The following GOLIM4 variants were observed in gnomAD, a reference collection of about 807,000 sequenced individuals.
The protein encoded by GOLIM4 is golgi integral membrane protein 4.
GOLIM4 carries 71 observed loss-of-function variants against 107.4 expected under a neutral mutation model. The observed-to-expected ratio is 0.66, with a 90% CI of 0.55 to 0.81. GOLIM4 has a LOEUF of 0.81. Ranked by LOEUF, GOLIM4 falls within the 30% of genes least tolerant of loss-of-function variation. GOLIM4 has a pLI of 0.00. For synonymous variants in GOLIM4, 327 were observed against 294.8 expected (o/e 1.11, Z -1.12); for missense variants, 830 against 826.1 (o/e 1.00, Z -0.06).
intron 1 of GOLIM4, among the ~76,000 whole-genome samples, chr3:168,089,710 C>T (rs1457130864): frequency 6.6e-6 from 1 of 151,752 alleles, no homozygotes; most frequent in Non-Finnish European, 1.5e-5. Context: ...CTACCAGGCA[C>T]CAGACGCTGG....
chr3:168,011,395 G>A (rs951952829), intron 14 of GOLIM4, among the ~76,000 whole-genome samples: 7 of 152,186 alleles, frequency 4.6e-5, no homozygotes, highest in Admixed American at 2.6e-4. Context: ...AGGGTCCTAC[G>A]CCCACAGAAT....
intron 1 of GOLIM4, among the ~76,000 whole-genome samples, chr3:168,061,935 T>C (rs761862394): frequency 3.3e-5 from 5 of 152,196 alleles, no homozygotes; most frequent in Non-Finnish European, 5.9e-5. Context: ...TGAAAATTCA[T>C]TGAGCTGTTT....
intron 1 of GOLIM4, among the ~76,000 whole-genome samples, chr3:168,093,846 G>A (rs974063245): frequency 6.6e-6 from 1 of 152,054 alleles, no homozygotes; most frequent in African/African-American, 2.4e-5. Context: ...CCAAACAATC[G>A]GATGTGTATC....
intron 1 of GOLIM4, among the ~76,000 whole-genome samples, chr3:168,056,658 T>C (rs866964898): frequency 2.0e-5 from 3 of 152,186 alleles, no homozygotes; most frequent in Non-Finnish European, 2.9e-5. Context: ...TCAAAGGAGA[T>C]AGTTCCAGAG....
At chr3:168,022,230 A>G (rs1040087663) in intron 14 of GOLIM4, among the ~76,000 whole-genome samples, 1 of 152,058 alleles carries the variant, frequency 6.6e-6, no homozygotes, top group Non-Finnish European at 1.5e-5. Flanking sequence ...GCTGACAGAA[A>G]TAAGTTTGTG....
intron 1 of GOLIM4, among the ~76,000 whole-genome samples, chr3:168,069,092 C>T (rs1445136405): frequency 2.0e-5 from 3 of 152,140 alleles, no homozygotes; most frequent in African/African-American, 7.2e-5. Flanking sequence ...CTCGGCCTCT[C>T]AAACTGCTGG....
intron 3 of GOLIM4, among the ~76,000 whole-genome samples, chr3:168,045,248 G>A (rs924953793): frequency 2.6e-5 from 4 of 152,156 alleles, no homozygotes; most frequent in Non-Finnish European, 5.9e-5. Flanking sequence ...CTGGGTGCTT[G>A]AGGTAAGAGG....
chr3:168,047,216 C>T (rs1719354048), intron 2 of GOLIM4, among the ~76,000 whole-genome samples: 1 of 152,192 alleles, frequency 6.6e-6, no homozygotes, highest in Non-Finnish European at 1.5e-5. Flanking sequence ...GTAAATCTTG[C>T]ATCCACAAAA....
At chr3:168,056,825 C>T (rs1165202468) in intron 1 of GOLIM4, among the ~76,000 whole-genome samples, 2 of 152,172 alleles carry the variant, frequency 1.3e-5, no homozygotes, top group Non-Finnish European at 2.9e-5. Flanking sequence ...GATTTTACAA[C>T]TTCATAAACA....
intron 1 of GOLIM4, among the ~76,000 whole-genome samples, chr3:168,076,962 G>C (rs549803887): frequency 6.6e-6 from 1 of 152,066 alleles, no homozygotes; most frequent in Non-Finnish European, 1.5e-5. Context: ...CTGAATTAAA[G>C]GACAGATTTA....
chr3:168,053,731 C>A (rs1719780493), intron 1 of GOLIM4, among the ~76,000 whole-genome samples: 1 of 152,166 alleles, frequency 6.6e-6, no homozygotes, highest in South Asian at 2.1e-4. Flanking sequence ...TGGAAGCCAG[C>A]CACCTGCCCA....
At chr3:168,056,157 T>A (rs1228558572) in intron 1 of GOLIM4, among the ~76,000 whole-genome samples, 1 of 152,182 alleles carries the variant, frequency 6.6e-6, no homozygotes, top group Non-Finnish European at 1.5e-5. Flanking sequence ...TCCCAGATGC[T>A]CCAGCCATGG....
chr3:168,033,436 T>C (rs1012338877), intron 8 of GOLIM4, among the ~76,000 whole-genome samples: 3 of 96,616 alleles, frequency 3.1e-5, no homozygotes, highest in Non-Finnish European at 6.4e-5. Context: ...AAACCCCGTC[T>C]CTACTAAAAA....
At chr3:168,078,969 T>C (rs895215515) in intron 1 of GOLIM4, among the ~76,000 whole-genome samples, 39 of 152,172 alleles carry the variant, frequency 2.6e-4, no homozygotes, top group Admixed American at 2.3e-3. Flanking sequence ...ATTTTAAAAT[T>C]TGTACTAACA....
At chr3:168,027,204 G>C (rs1718041505) in intron 12 of GOLIM4, among the ~76,000 whole-genome samples, 1 of 152,098 alleles carries the variant, frequency 6.6e-6, no homozygotes, top group African/African-American at 2.4e-5. Context: ...TTGCATACCT[G>C]AACAACTCTT....
intron 1 of GOLIM4, among the ~76,000 whole-genome samples, chr3:168,070,922 T>A (rs1242942990): frequency 6.6e-6 from 1 of 152,212 alleles, no homozygotes; most frequent in Non-Finnish European, 1.5e-5. Context: ...GGTTTTCTAC[T>A]CTAACTTGCT....
At chr3:168,088,113 A>T (rs182846671) in intron 1 of GOLIM4, among the ~76,000 whole-genome samples, 12 of 152,356 alleles carry the variant, frequency 7.9e-5, no homozygotes, top group African/African-American at 2.6e-4. Flanking sequence ...TGATAAAAGA[A>T]GAACCATTGG....
Position 168,072,044 on chromosome 3 carries a change from C to T in GOLIM4, c.187+23055G>A, listed in dbSNP as rs183398007. ...ATGGCCAGTCTTGGACTCTGGATTT[C>T]CCATAGGGCCAAATTCTGGTACCAC... On this transcript the variant is annotated intron_variant, in intron 1 of 15. Coordinates refer to ENST00000470487, the MANE Select transcript of GOLIM4 (RefSeq NM_014498.5). Among the ~76,000 whole-genome samples, 737 of 152,218 alleles carry T rather than the reference C, an allele frequency of 4.8e-3. 5 individuals carry two copies. Among genetic ancestry groups the T allele is most frequent in the Middle Eastern group, 0.014 (4 of 294 alleles).
chr3:168,084,436 T>C (rs568889476), intron 1 of GOLIM4, among the ~76,000 whole-genome samples: 1 of 152,288 alleles, frequency 6.6e-6, no homozygotes, highest in African/African-American at 2.4e-5. Flanking sequence ...CAGATGAGTG[T>C]GATTGGAAAT....
Sources: allele counts gnomAD v4.1 joint callset (sites outside exome capture counted in the v4.1 genomes callset), GRCh38; gene constraint gnomAD v4.1.1; transcripts MANE v1.5; gene names NCBI Gene and HGNC (gene_info 2026-07-23, HGNC 2026-07-21).